Variants in WFDC1 observed in about 807,000 individuals in gnomAD.
WFDC1 encodes WAP four-disulfide core domain 1.
Under a neutral mutation model 32.9 loss-of-function variants are expected in WFDC1, and 39 were observed. The observed-to-expected ratio is 1.19, with a 90% CI of 0.92 to 1.55. The LOEUF (loss-of-function observed/expected upper bound fraction) is 1.55. WFDC1 is among the 40% of genes most tolerant of loss of function. WFDC1 has a pLI of 0.00. For missense variants in WFDC1, 386 were observed against 309.5 expected (o/e 1.25, Z -1.85); for synonymous variants, 184 against 137.4 (o/e 1.34, Z -2.37).
At chr16:84,325,488 C>T (rs1031743945) in intron 5 of WFDC1, among the ~76,000 whole-genome samples, 1 of 151,968 alleles carries the variant, frequency 6.6e-6, no homozygotes, top group Non-Finnish European at 1.5e-5. Context: ...CAGGCATGAG[C>T]CACTGTGCCT....
intron 3 of WFDC1, chr16:84,319,090 A>G: frequency 5.7e-6 from 2 of 351,054 alleles, no homozygotes; most frequent in Non-Finnish European, 1.0e-5. Context: ...TGCTTGTGTA[A>G]ATGTCTGTGT....
At chr16:84,301,002 C>T (rs10438602) in intron 1 of WFDC1, among the ~76,000 whole-genome samples, 6,501 of 151,408 alleles carry the variant, frequency 0.043, 423 homozygotes, top group African/African-American at 0.14. Flanking sequence ...GGAGAAGAGA[C>T]ATAGAATCAG....
intron 4 of WFDC1, among the ~76,000 whole-genome samples, chr16:84,321,813 A>G (rs973237508): frequency 6.6e-6 from 1 of 152,244 alleles, no homozygotes; most frequent in Non-Finnish European, 1.5e-5. Flanking sequence ...GTGCAGGCTC[A>G]GAACCACAGA....
At chr16:84,314,528 A>G (rs1907838434) in intron 2 of WFDC1, among the ~76,000 whole-genome samples, 1 of 152,114 alleles carries the variant, frequency 6.6e-6, no homozygotes, top group Non-Finnish European at 1.5e-5. Context: ...GGCTGAGAGG[A>G]GAGTCAGAGA....
At chr16:84,327,042 G>T in intron 6 of WFDC1, 87 bp downstream of exon 6, 1 of 1,370,852 alleles carries the variant, frequency 7.3e-7, no homozygotes, top group Non-Finnish European at 1.0e-6. Context: ...TTGAGGAGCA[G>T]GAGGGTGAGA....
intron 4 of WFDC1, among the ~76,000 whole-genome samples, chr16:84,321,104 C>T (rs936204528): frequency 1.4e-4 from 21 of 152,190 alleles, no homozygotes; most frequent in Admixed American, 7.9e-4. Flanking sequence ...AGGGTGGCTT[C>T]TCCAGCCAGA....
At chr16:84,324,935 T>G (rs244789) in intron 5 of WFDC1, among the ~76,000 whole-genome samples, 35 of 152,056 alleles carry the variant, frequency 2.3e-4, no homozygotes, top group Admixed American at 2.3e-3. Context: ...ATTCTTTCAT[T>G]CATCTTCCTG....
chr16:84,326,190 C>T (rs1908592350), intron 5 of WFDC1: 1 of 150,690 alleles, frequency 6.6e-6, no homozygotes, highest in African/African-American at 2.4e-5. Flanking sequence ...TCCATCCATC[C>T]ATCATTTATC....
intron 1 of WFDC1, among the ~76,000 whole-genome samples, chr16:84,310,738 G>A (rs368474692): frequency 1.1e-4 from 17 of 152,272 alleles, no homozygotes; most frequent in Admixed American, 2.6e-4. Context: ...GTTCCGAACC[G>A]TGGTTTTCTT....
At chr16:84,316,593 C>T (rs1045472625) in intron 2 of WFDC1, 2 of 151,490 alleles carry the variant, frequency 1.3e-5, no homozygotes, top group East Asian at 3.9e-4. Context: ...GACCGCCTAT[C>T]TCTGTAGAAT....
At chr16:84,325,057 A>G (rs982486630) in intron 5 of WFDC1, among the ~76,000 whole-genome samples, 5 of 151,584 alleles carry the variant, frequency 3.3e-5, no homozygotes, top group South Asian at 2.1e-4. Context: ...TCACCCACCC[A>G]TCTATCCTTT....
chr16:84,320,843 G>T (rs1472887550), intron 4 of WFDC1, among the ~76,000 whole-genome samples: 1 of 149,354 alleles, frequency 6.7e-6, no homozygotes, highest in African/African-American at 2.5e-5. Flanking sequence ...AGTATACTGG[G>T]GAGTGCATGA....
At chr16:84,318,455 G>A in intron 3 of WFDC1, 100 bp downstream of exon 3, 1 of 1,133,068 alleles carries the variant, frequency 8.8e-7, no homozygotes, top group South Asian at 1.3e-5. Flanking sequence ...TGTCCCCCAT[G>A]CACGGGCCCT....
rs541926585 is a variant in WFDC1 at position 84,312,954 on chromosome 16, C to T, written c.145-7C>T. 151 of 1,155,348 alleles carry T rather than the reference C, an allele frequency of 1.3e-4. 1 individual carries two copies. The South Asian group carries it at 3.5e-3, about 27-fold the overall frequency. 71.6% of individuals were successfully genotyped at this position (1,155,348 alleles called of 1,614,324 possible). On this transcript the variant is annotated splice_region_variant and splice_polypyrimidine_tract_variant and intron_variant, in intron 1 of 6. Transcript: ENST00000219454. ...CCAGAGCTGCTGACACCGCCCTCTC[C>T]CCGCAGGCCGAGGAGGCGGGCGCGC... is the stretch of plus-strand genomic sequence containing the variant.
intron 1 of WFDC1, among the ~76,000 whole-genome samples, chr16:84,309,435 G>C (rs1907476428): frequency 6.6e-6 from 1 of 152,098 alleles, no homozygotes; most frequent in African/African-American, 2.4e-5. Context: ...TTGGAGAATG[G>C]ATGGATTTGG....
At position 84,295,570 on chromosome 16, in the gene WFDC1, A is replaced by G. The variant is rs1054409273; in HGVS notation, c.144+455A>G. On this transcript the variant is annotated intron_variant, in intron 1 of 6. Coordinates refer to ENST00000219454, the MANE Select transcript of WFDC1 (RefSeq NM_021197.4). ...AATTTAGCAGAAACCGCTCTGGGGA[A>G]GGCACTCTGTGGGGTCCTGTGGATA... is the stretch of plus-strand genomic sequence containing the variant. The G allele has an allele frequency of 3.8e-5, 7 of 186,352 alleles. No homozygotes were observed. The East Asian group carries it at 5.4e-4, about 14-fold the overall frequency. The allele number at this position is 186,352 out of a possible 1,614,324, so 11.5% of individuals were successfully genotyped here.
chr16:84,313,183 A>G, intron 2 of WFDC1, 30 bp downstream of exon 2: 1 of 1,395,372 alleles, frequency 7.2e-7, no homozygotes, highest in Non-Finnish European at 9.2e-7. Flanking sequence ...GAGGGGGCTG[A>G]GGGAGGAGGA....
At chr16:84,315,480 C>T (rs774182957) in intron 2 of WFDC1, among the ~76,000 whole-genome samples, 1 of 152,218 alleles carries the variant, frequency 6.6e-6, no homozygotes, top group East Asian at 1.9e-4. Flanking sequence ...TAAATATTCA[C>T]TCATTCATTC....
rs1491139303 is a variant in WFDC1, at chr16:84,322,146, T to TGTGTGTGTGTGC, written c.563-2262_563-2261insCGTGTGTGTGTG. Reference sequence around the variant, plus strand: ...AAGACTGTCCACCAGCCTCAGAGCCTGTGTGTGTGTGTGCGTGTGTGTGTG... The same window carrying TGTGTGTGTGTGC: ...AAGACTGTCCACCAGCCTCAGAGCCTGTGTGTGTGTGCGTGTGTGTGTGTGCGTGTGTGTGTG... On this transcript the variant is annotated intron_variant, in intron 4 of 6. Coordinates refer to ENST00000219454, the MANE Select transcript of WFDC1 (RefSeq NM_021197.4). Among the ~76,000 whole-genome samples, 905 of 97,756 alleles carry TGTGTGTGTGTGC rather than the reference T, an allele frequency of 9.3e-3. 9 individuals carry two copies. The highest frequency in any genetic ancestry group is 0.032 in the South Asian group (99 of 3,116). 64.1% of individuals were successfully genotyped at this position (97,756 alleles called of 152,430 possible). A position where few individuals can be genotyped will look rare whatever the true frequency, so the allele number is the denominator to read the frequency against.
Sources: allele counts gnomAD v4.1 joint callset (sites outside exome capture counted in the v4.1 genomes callset), GRCh38; gene constraint gnomAD v4.1.1; transcripts MANE v1.5; gene names NCBI Gene and HGNC (gene_info 2026-07-23, HGNC 2026-07-21).